PTPRD: variants seen among roughly 807,000 people sequenced by gnomAD.
The protein encoded by PTPRD is receptor-type tyrosine-protein phosphatase delta.
Under a neutral mutation model 214.5 loss-of-function variants are expected in PTPRD, and 34 were observed. The ratio of observed to expected loss-of-function variants is 0.16; its 90% CI spans 0.12 to 0.21. The LOEUF is 0.21. Among genes scored for constraint, PTPRD ranks in the 10% least tolerant of loss-of-function variants. The pLI, the probability that PTPRD is intolerant of heterozygous loss-of-function variation, is 1.00. For synonymous variants in PTPRD, 1,128 were observed against 845.7 expected (o/e 1.33, Z -5.79); for missense variants, 2,545 against 2,398.7 (o/e 1.06, Z -1.27).
intron 11 of PTPRD, among the ~76,000 whole-genome samples, chr9:8,782,723 G>T (rs961224482): frequency 6.6e-6 from 1 of 151,560 alleles, no homozygotes; most frequent in Non-Finnish European, 1.5e-5. Context: ...TCAGCCTCCG[G>T]AGTAGCTGGG....
At chr9:8,407,679 G>T (rs1007348253) in intron 35 of PTPRD, among the ~76,000 whole-genome samples, 1 of 152,180 alleles carries the variant, frequency 6.6e-6, no homozygotes, top group Non-Finnish European at 1.5e-5. Context: ...AAGAAATCAA[G>T]TTTTAAAAAT....
intron 11 of PTPRD, among the ~76,000 whole-genome samples, chr9:8,809,935 C>T (rs150184063): frequency 6.0e-4 from 91 of 152,262 alleles, no homozygotes; most frequent in African/African-American, 2.1e-3. Context: ...AGATAAGCTC[C>T]AATTTGACAC....
chr9:10,214,235 C>CA (rs886126951), intron 3 of PTPRD, among the ~76,000 whole-genome samples: 15 of 152,008 alleles, frequency 9.9e-5, no homozygotes, highest in Middle Eastern at 3.4e-3. Context: ...GTATCAGTGA[C>CA]AACCACTACC....
chr9:9,499,461 T>C (rs910638109), intron 8 of PTPRD, among the ~76,000 whole-genome samples: 24 of 152,148 alleles, frequency 1.6e-4, no homozygotes, highest in Non-Finnish European at 1.5e-5. Flanking sequence ...TCTATTGTTA[T>C]TATAAACTTT....
intron 3 of PTPRD, among the ~76,000 whole-genome samples, chr9:10,299,352 A>C (rs2095792002): frequency 6.6e-6 from 1 of 152,168 alleles, no homozygotes; most frequent in Non-Finnish European, 1.5e-5. Context: ...TGCCAGAATG[A>C]ATATGACAAA....
At chr9:9,674,050 A>T (rs1459272515) in intron 7 of PTPRD, among the ~76,000 whole-genome samples, 1 of 151,906 alleles carries the variant, frequency 6.6e-6, no homozygotes, top group Non-Finnish European at 1.5e-5. Context: ...AAGAGAGAAA[A>T]TAATACAAGA....
chr9:10,254,756 A>G (rs541887926), intron 3 of PTPRD, among the ~76,000 whole-genome samples: 2 of 152,312 alleles, frequency 1.3e-5, no homozygotes, highest in East Asian at 3.9e-4. Context: ...TGTCCTGCTC[A>G]GGGGTCACAA....
At chr9:10,063,991 T>C (rs1396510328) in intron 3 of PTPRD, among the ~76,000 whole-genome samples, 2 of 151,978 alleles carry the variant, frequency 1.3e-5, no homozygotes, top group Non-Finnish European at 1.5e-5. Context: ...ACACACCAAA[T>C]GTGTTCCCTA....
intron 3 of PTPRD, among the ~76,000 whole-genome samples, chr9:10,173,304 A>G (rs1340525673): frequency 1.3e-5 from 2 of 152,210 alleles, no homozygotes; most frequent in East Asian, 1.9e-4. Context: ...ATTATAAATA[A>G]TGGAGTGTTA....
At chr9:8,747,208 TA>T (rs2092922884) in intron 11 of PTPRD, among the ~76,000 whole-genome samples, 1 of 152,122 alleles carries the variant, frequency 6.6e-6, no homozygotes, top group Non-Finnish European at 1.5e-5. Context: ...TTGCCTTGTT[TA>T]AAAAAATTGA....
At chr9:10,040,844 A>G (rs960252681) in intron 3 of PTPRD, among the ~76,000 whole-genome samples, 1 of 152,052 alleles carries the variant, frequency 6.6e-6, no homozygotes, top group African/African-American at 2.4e-5. Context: ...TCAGTTTCAC[A>G]CAAAGTGCAA....
intron 10 of PTPRD, among the ~76,000 whole-genome samples, chr9:9,125,267 C>T (rs2099827576): frequency 2.0e-5 from 3 of 152,118 alleles, no homozygotes; most frequent in African/African-American, 7.2e-5. Flanking sequence ...ATTACCTAGC[C>T]AAACTTCCTG....
At chr9:10,573,188 T>C (rs1006473140) in intron 2 of PTPRD, among the ~76,000 whole-genome samples, 2 of 152,184 alleles carry the variant, frequency 1.3e-5, no homozygotes, top group Admixed American at 6.5e-5. Context: ...TTTAGAAATA[T>C]GTGCTAATTT....
intron 4 of PTPRD, among the ~76,000 whole-genome samples, chr9:9,991,246 C>T (rs745589251): frequency 6.6e-6 from 1 of 150,536 alleles, no homozygotes; most frequent in Non-Finnish European, 1.5e-5. Flanking sequence ...GTAAAATATT[C>T]TCATAAACTT....
intron 12 of PTPRD, among the ~76,000 whole-genome samples, chr9:8,639,597 T>A (rs1451748253): frequency 6.6e-6 from 1 of 152,204 alleles, no homozygotes; most frequent in Non-Finnish European, 1.5e-5. Context: ...AGGATACCCT[T>A]TTCCCTGCAT....
At position 8,802,593 on chromosome 9, in the gene PTPRD, G is replaced by A. The variant is rs188789329; in HGVS notation, c.-103-68647C>T. ...AGCCTGCAGGAAGTTCCCAAAAGTG[G>A]TAATATTTCCAATTACAAATTCTAG... On this transcript the variant is annotated intron_variant, in intron 11 of 45. Coordinates refer to ENST00000381196, the MANE Select transcript of PTPRD (RefSeq NM_002839.4). Among the ~76,000 whole-genome samples, 187 of 152,294 alleles carry A rather than the reference G, an allele frequency of 1.2e-3. 1 individual carries two copies. The highest frequency in any genetic ancestry group is 0.01 in the Middle Eastern group (3 of 294).
chr9:10,155,017 A>C (rs1653195735), intron 3 of PTPRD, among the ~76,000 whole-genome samples: 1 of 151,936 alleles, frequency 6.6e-6, no homozygotes, highest in African/African-American at 2.4e-5. Context: ...ATAGTATTGA[A>C]TCTTTGAATT....
chr9:8,338,675 C>A (rs1849320444), intron 43 of PTPRD, among the ~76,000 whole-genome samples: 1 of 152,048 alleles, frequency 6.6e-6, no homozygotes. Flanking sequence ...CCAAGTGCAT[C>A]CCCAAGGTTG....
intron 7 of PTPRD, among the ~76,000 whole-genome samples, chr9:9,661,786 G>A (rs2096626896): frequency 6.6e-6 from 1 of 151,660 alleles, no homozygotes; most frequent in Admixed American, 6.6e-5. Context: ...AAGGAAAAAG[G>A]GAGATAACTT....
Sources: gnomAD v4.1 joint callset for allele counts (sites outside exome capture counted in the v4.1 genomes callset) on GRCh38, gnomAD v4.1.1 for gene constraint, MANE v1.5 for transcripts, NCBI Gene and HGNC (gene_info 2026-07-23, HGNC 2026-07-21) for gene names.